Variants in TMEM179 observed in about 807,000 individuals in gnomAD.
TMEM179 encodes transmembrane protein 179, also known as transmembrane protein 179A.
A neutral mutation model predicts 22.2 loss-of-function variants in TMEM179; 17 were observed. The observed-to-expected ratio is 0.77, with a 90% confidence interval of 0.52 to 1.15. The LOEUF (loss-of-function observed/expected upper bound fraction) is 1.15. TMEM179 is among the 50% of genes most tolerant of loss of function. TMEM179 has a pLI of 0.00. For synonymous variants in TMEM179, 127 were observed against 140.5 expected (o/e 0.90, Z 0.68); for missense variants, 265 against 313.6 (o/e 0.84, Z 1.17).
In TMEM179 at chr14:104,597,004, G is replaced by T; in HGVS notation, c.429C>A (p.Gly143=). ...GGCGGGCGCACCTGTGGGGTACGGT[G>T]CCCTTCTCGGTGATGGTGTCGCACC... ...TMWCDTITEK[G]TVPHSCEELQ... Residue 143 remains glycine, a synonymous_variant, in exon 2 of 4, where the codon GGC becomes GGA. Coordinates refer to ENST00000556573, the MANE Select transcript of TMEM179 (RefSeq NM_001286389.2). This position sits in a 1 kb window ranked among gnomAD's most constrained non-coding sequence, Gnocchi z 4.8. The T allele has an allele frequency of 6.2e-7, 1 of 1,606,128 alleles. No homozygotes were observed.
chr14:104,594,820 T>C, intron 3 of TMEM179: 2 of 1,257,076 alleles, frequency 1.6e-6, no homozygotes, highest in Non-Finnish European at 2.0e-6. Context: ...CCAAAGCCCT[T>C]GTCCCTACAC....
In TMEM179 at chr14:104,597,128, C is replaced by G; in HGVS notation, c.306-1G>C. ...GTTCAGGAAGGCGGAGAAGAAGGAG[C>G]TGCAGCCAGAAACAGGAGGGGCAGG... is the stretch of plus-strand genomic sequence containing the variant. On this transcript the variant is annotated splice_acceptor_variant, in intron 1 of 3. Coordinates refer to ENST00000556573, the MANE Select transcript of TMEM179 (RefSeq NM_001286389.2). LOFTEE classifies it high-confidence loss of function. The surrounding 1 kb of genome is among the most constrained non-coding windows in gnomAD (Gnocchi z 4.8). 6.3e-7 allele frequency: 1 copy of G among 1,588,680 alleles called. No individual in the cohort carries two copies.
intron 3 of TMEM179, chr14:104,594,323 CAGG>C (rs968694970): frequency 1.6e-6 from 2 of 1,231,246 alleles, no homozygotes. Flanking sequence ...GGCTCCTGGC[CAGG>C]AGAAGCGTCC....
intron 3 of TMEM179, chr14:104,594,382 G>T: frequency 1.6e-6 from 2 of 1,231,772 alleles, no homozygotes. Context: ...CCAGCCTGGG[G>T]TCCGGAATTG....
Position 104,592,914 on chromosome 14 carries a change from G to A in TMEM179, c.*565C>T, listed in dbSNP as rs1886892079. 1 of 156,310 alleles carries A rather than the reference G, an allele frequency of 6.4e-6. No individual in the cohort carries two copies. Among genetic ancestry groups the A allele is most frequent in the Non-Finnish European group, 1.4e-5 (1 of 70,516 alleles). 9.7% of individuals were successfully genotyped at this position (156,310 alleles called of 1,614,324 possible). A position where few individuals can be genotyped will look rare whatever the true frequency, so the allele number is the denominator to read the frequency against. Reference sequence around the variant, plus strand: ...ACTCACAGGCCTCAGAAGCCTCCCTGAGCCCGGCCACAGGGTCTCCCAGGC... The same window carrying A: ...ACTCACAGGCCTCAGAAGCCTCCCTAAGCCCGGCCACAGGGTCTCCCAGGC... On this transcript the variant is annotated 3_prime_UTR_variant, in exon 4 of 4. Coordinates refer to ENST00000556573, the MANE Select transcript of TMEM179 (RefSeq NM_001286389.2).
At chr14:104,600,316 C>A (rs552912795) in intron 1 of TMEM179, among the ~76,000 whole-genome samples, 2 of 152,230 alleles carry the variant, frequency 1.3e-5, no homozygotes, top group Non-Finnish European at 2.9e-5. Context: ...TCTTCACTGC[C>A]GCTCAGGGTG....
Position 104,595,040 on chromosome 14 carries a change from C to G in TMEM179, c.522+125G>C. 6.5e-7 allele frequency: 1 copy of G among 1,543,860 alleles called. No individual in the cohort carries two copies. Among genetic ancestry groups the G allele is most frequent in the Non-Finnish European group, 8.8e-7 (1 of 1,142,612 alleles). On this transcript the variant is annotated intron_variant, in intron 3 of 3. Coordinates refer to ENST00000556573, the MANE Select transcript of TMEM179 (RefSeq NM_001286389.2). This position sits in a 1 kb window ranked among gnomAD's most constrained non-coding sequence, Gnocchi z 5.7. ...CTGCTCCCACTGCCTGGTCCCATTG[C>G]TAACTACCTTATCCACACAGGAGCC...
chr14:104,594,607 G>A, intron 3 of TMEM179: 2 of 1,229,176 alleles, frequency 1.6e-6, no homozygotes, highest in East Asian at 6.3e-5. Flanking sequence ...GTCCCTCAGA[G>A]TGGGGGCCAC....
intron 1 of TMEM179, among the ~76,000 whole-genome samples, chr14:104,599,791 C>A (rs140113616): frequency 2.6e-4 from 40 of 152,172 alleles, no homozygotes; most frequent in African/African-American, 9.6e-4. Context: ...GAGAAGGAGA[C>A]GCACTCTGAA....
chr14:104,594,066 A>G lies in TMEM179; in HGVS notation c.523-408T>C, dbSNP rs541362551. 1.1e-5 allele frequency: 13 copies of G among 1,232,456 alleles called. No homozygotes were observed. In the African/African-American group the frequency reaches 1.9e-4, roughly 18 times the overall value. 76.3% of individuals were successfully genotyped at this position (1,232,456 alleles called of 1,614,324 possible). On this transcript the variant is annotated intron_variant, in intron 3 of 3. Transcript: ENST00000556573. ...CTCCTCCAACCACCGGAATAAATTGACCTTTAGCCGCTGTTTCCAAACAGT... is the reference window on the plus strand; with the variant it reads ...CTCCTCCAACCACCGGAATAAATTGGCCTTTAGCCGCTGTTTCCAAACAGT...
chr14:104,598,417 G>A lies in TMEM179; in HGVS notation c.306-1290C>T, dbSNP rs59260762. 3.9e-5 allele frequency among the ~76,000 whole-genome samples: 6 copies of A among 152,322 alleles called. No homozygotes were observed. In the East Asian group the frequency reaches 5.8e-4, roughly 15 times the overall value. ...TGACCCACAGAAACAGCTTCACAGC[G>A]ATCATTTAATAAACAAGGTCTCCCT... is the stretch of plus-strand genomic sequence containing the variant. On this transcript the variant is annotated intron_variant, in intron 1 of 3. Transcript: ENST00000556573.
rs375505023 is a variant in TMEM179 at position 104,597,051 on chromosome 14, C to T, written c.382G>A (p.Val128Met). The change falls in exon 2 of 4, where the codon GTG becomes ATG. Residue 128 changes from valine to methionine, a missense_variant. Physicochemically the swap from Val to Met is conservative, Grantham distance 21. Transcript: ENST00000556573. The surrounding 1 kb of genome is among the most constrained non-coding windows in gnomAD (Gnocchi z 4.8). ...VFLVFIASTIVSVGFTMWCDT... is the reference protein window; with the variant it reads ...VFLVFIASTIMSVGFTMWCDT... ...CACCACATGGTGAAGCCCACGCTCACGATGGTGCTGGCAATGAAGACCAGG... is the reference window on the plus strand; with the variant it reads ...CACCACATGGTGAAGCCCACGCTCATGATGGTGCTGGCAATGAAGACCAGG... 2.0e-5 allele frequency: 33 copies of T among 1,609,954 alleles called. No homozygotes were observed. Among genetic ancestry groups the T allele is most frequent in the South Asian group, 5.5e-5 (5 of 90,152 alleles).
At chr14:104,596,324 G>A (rs952246715) in intron 2 of TMEM179, among the ~76,000 whole-genome samples, 11 of 152,296 alleles carry the variant, frequency 7.2e-5, no homozygotes, top group African/African-American at 2.6e-4. Flanking sequence ...ATCCCACTGT[G>A]GGGGGCAGGC....
intron 1 of TMEM179, among the ~76,000 whole-genome samples, chr14:104,602,881 C>T (rs963813391): frequency 6.6e-6 from 1 of 152,240 alleles, no homozygotes; most frequent in Non-Finnish European, 1.5e-5. Context: ...AGTCCCACCC[C>T]TGGTACCCGT....
rs1368853735 is a variant in TMEM179 at position 104,597,443 on chromosome 14, G to A, written c.306-316C>T. Among the ~76,000 whole-genome samples, 3 of 152,300 alleles carry A rather than the reference G, an allele frequency of 2.0e-5. No individual in the cohort carries two copies. The East Asian group carries it at 5.8e-4, about 29-fold the overall frequency. On this transcript the variant is annotated intron_variant, in intron 1 of 3. Coordinates refer to ENST00000556573, the MANE Select transcript of TMEM179 (RefSeq NM_001286389.2). This position sits in a 1 kb window ranked among gnomAD's most constrained non-coding sequence, Gnocchi z 4.8. ...TCATAAAAGAGGCTGCACCCAGGGT[G>A]GAAGTGAATGACACCCTTCCAAAGC...
chr14:104,598,215 G>GT (rs1374222727), intron 1 of TMEM179, among the ~76,000 whole-genome samples: 2 of 152,202 alleles, frequency 1.3e-5, no homozygotes, highest in Non-Finnish European at 2.9e-5. Context: ...GCTCCGGGGG[G>GT]TAGGGAGAGG....
Position 104,593,387 on chromosome 14 carries a change from C to T in TMEM179, c.*92G>A. The T allele has an allele frequency of 6.8e-7, 1 of 1,473,090 alleles. No individual in the cohort carries two copies. The highest frequency in any genetic ancestry group is 9.1e-7 in the Non-Finnish European group (1 of 1,096,750). 91.3% of individuals were successfully genotyped at this position (1,473,090 alleles called of 1,614,324 possible). On this transcript the variant is annotated 3_prime_UTR_variant, in exon 4 of 4. Transcript: ENST00000556573. ...CGCAGGGCTGCATGTGGCCAGGGCC[C>T]AGGCAGAGCCCCCCAGCTGCTTCCC...
chr14:104,602,424 C>T (rs1887270522), intron 1 of TMEM179, among the ~76,000 whole-genome samples: 3 of 152,194 alleles, frequency 2.0e-5, no homozygotes, highest in African/African-American at 7.2e-5. Flanking sequence ...GATGAACCAA[C>T]TGTGGCCCCA....
chr14:104,593,926 C>T (rs1341004203), intron 3 of TMEM179, among the ~76,000 whole-genome samples: 3 of 152,370 alleles, frequency 2.0e-5, no homozygotes, highest in East Asian at 3.9e-4. Context: ...CTCAGACCAA[C>T]CCTCACTCCA....
Sources: allele counts gnomAD v4.1 joint callset (sites outside exome capture counted in the v4.1 genomes callset), GRCh38; gene constraint gnomAD v4.1.1; non-coding constraint Gnocchi (gnomAD v3.1); transcripts MANE v1.5; gene names NCBI Gene and HGNC (gene_info 2026-07-23, HGNC 2026-07-21).